Variants in ARHGEF3 observed in about 807,000 individuals in gnomAD.
ARHGEF3 encodes Rho guanine nucleotide exchange factor 3, also known as 59.8 kDA protein.
In ARHGEF3, 28 loss-of-function variants were observed where a neutral mutation model predicts 63.2. That is an observed-to-expected ratio of 0.44 (90% CI 0.33 to 0.61). The LOEUF is 0.61. Ranked by LOEUF, ARHGEF3 falls within the 20% of genes least tolerant of loss-of-function variation. ARHGEF3 has a pLI of 0.03. For missense variants in ARHGEF3, 533 were observed against 659.3 expected (o/e 0.81, Z 2.10); for synonymous variants, 266 against 254.2 (o/e 1.05, Z -0.44).
rs561734485 is a variant in ARHGEF3, at chr3:57,059,289, G to A, written c.-28+19937C>T. On this transcript the variant is annotated intron_variant, in intron 1 of 12. Transcript: ENST00000338458. ...CCTTGTCTTTAAGCCTAGAGCAAGG[G>A]TGTCCAATTTTTTGGCTTCTCTGGG... is the stretch of plus-strand genomic sequence containing the variant. 9.2e-5 allele frequency among the ~76,000 whole-genome samples: 14 copies of A among 152,054 alleles called. No homozygotes were observed. In the East Asian group the frequency reaches 1.5e-3, roughly 17 times the overall value.
At chr3:57,071,247 C>G (rs1380437185) in intron 1 of ARHGEF3, among the ~76,000 whole-genome samples, 1 of 152,160 alleles carries the variant, frequency 6.6e-6, no homozygotes, top group African/African-American at 2.4e-5. Flanking sequence ...TCTGGGACAA[C>G]AGGATTTCCA....
At chr3:56,975,911 T>C (rs1415412010) in intron 2 of ARHGEF3, 4 of 268,806 alleles carry the variant, frequency 1.5e-5, no homozygotes, top group Admixed American at 5.3e-5. Flanking sequence ...TCCATGGAGA[T>C]TAATGGTAAA....
chr3:56,805,313 C>T (rs2037822240), upstream of ARHGEF3, among the ~76,000 whole-genome samples: 1 of 152,160 alleles, frequency 6.6e-6, no homozygotes, highest in South Asian at 2.1e-4. Flanking sequence ...TGGCTCACTG[C>T]AGCCTCAACC....
intron 3 of ARHGEF3, among the ~76,000 whole-genome samples, chr3:56,953,721 A>T (rs1258075334): frequency 6.6e-6 from 1 of 152,136 alleles, no homozygotes; most frequent in Non-Finnish European, 1.5e-5. Context: ...GGGATTTCAT[A>T]GATGGATCCT....
chr3:56,879,337 A>C (rs71309982), intron 4 of ARHGEF3, among the ~76,000 whole-genome samples: 16,140 of 152,204 alleles, frequency 0.11, 1,041 homozygotes, highest in Non-Finnish European at 0.14. Context: ...GTCTGTGTTA[A>C]TATTTCTCAA....
intron 7 of ARHGEF3, among the ~76,000 whole-genome samples, chr3:56,744,407 T>C (rs2107730867): frequency 6.6e-6 from 1 of 151,644 alleles, no homozygotes; most frequent in South Asian, 2.1e-4. Flanking sequence ...CTTTTTTTTT[T>C]TTTTTTTGAG....
chr3:57,048,588 G>T lies in ARHGEF3; in HGVS notation c.-27-13412C>A, dbSNP rs141112377. Among the ~76,000 whole-genome samples, 345 of 152,252 alleles carry T rather than the reference G, an allele frequency of 2.3e-3. 2 individuals carry two copies. Among genetic ancestry groups the T allele is most frequent in the African/African-American group, 8.1e-3 (337 of 41,554 alleles). Reference sequence around the variant, plus strand: ...TCCGGAGGCAAAGCCTGGCACTTGAGCTCTGTGTGCTCTCGGGGTAGGAGC... The same window carrying T: ...TCCGGAGGCAAAGCCTGGCACTTGATCTCTGTGTGCTCTCGGGGTAGGAGC... On this transcript the variant is annotated intron_variant, in intron 1 of 12. Coordinates refer to the ARHGEF3 transcript ENST00000338458.
At chr3:56,974,603 C>A (rs1701049673) in intron 2 of ARHGEF3, among the ~76,000 whole-genome samples, 1 of 152,122 alleles carries the variant, frequency 6.6e-6, no homozygotes, top group Non-Finnish European at 1.5e-5. Flanking sequence ...TGCTGACCCG[C>A]AAATGTTTCT....
At chr3:57,074,492 G>A (rs1042996551) in intron 1 of ARHGEF3, 4 of 578,370 alleles carry the variant, frequency 6.9e-6, no homozygotes, top group African/African-American at 1.9e-5. Context: ...ACTGGCACAA[G>A]GTCACACAAT....
rs750223337 is a variant in ARHGEF3 at position 56,737,275 on chromosome 3, A to G, written c.951T>C (p.Leu317=). The G allele has an allele frequency of 1.2e-5, 19 of 1,613,966 alleles. No homozygotes were observed. Among genetic ancestry groups the G allele is most frequent in the Non-Finnish European group, 1.5e-5 (18 of 1,179,844 alleles). The change falls in exon 8 of 10, where the codon CTT becomes CTC. Residue 317 remains leucine (L), a synonymous_variant. Coordinates refer to ENST00000296315, the MANE Select transcript of ARHGEF3 (RefSeq NM_019555.3). ...CTTTCTGGCCTTCTTCCAAGTAAAG[A>G]AGCCGCTCTTTATAATAGCGGCATT... The part of the protein sequence containing the change: ...ESECRYYKER[L]LYLEEGQKDS...
At chr3:56,967,401 A>T (rs182488989) in intron 2 of ARHGEF3, among the ~76,000 whole-genome samples, 1 of 29,814 alleles carries the variant, frequency 3.4e-5, no homozygotes, top group Non-Finnish European at 5.6e-5. Flanking sequence ...TATATTATAT[A>T]ATATATTATA....
intron 1 of ARHGEF3, among the ~76,000 whole-genome samples, chr3:57,035,983 A>T (rs775289255): frequency 6.6e-6 from 1 of 152,202 alleles, no homozygotes; most frequent in Non-Finnish European, 1.5e-5. Context: ...CTGTCATCCC[A>T]GCTGGGAATA....
At chr3:56,892,896 A>G (rs144065472) in intron 3 of ARHGEF3, among the ~76,000 whole-genome samples, 1 of 152,320 alleles carries the variant, frequency 6.6e-6, no homozygotes, top group African/African-American at 2.4e-5. Flanking sequence ...CCCTAGGGAG[A>G]GCACAGTGCA....
At chr3:57,024,505 T>C (rs1467284532) in intron 2 of ARHGEF3, among the ~76,000 whole-genome samples, 1 of 152,132 alleles carries the variant, frequency 6.6e-6, no homozygotes, top group African/African-American at 2.4e-5. Flanking sequence ...TTTCTTTTTT[T>C]GAGACGGAAT....
At chr3:56,979,672 C>T (rs978459482) in intron 2 of ARHGEF3, among the ~76,000 whole-genome samples, 6 of 152,366 alleles carry the variant, frequency 3.9e-5, no homozygotes, top group South Asian at 2.1e-4. Context: ...CCCATGGCAA[C>T]GCTGGGGCTC....
chr3:56,989,952 C>A (rs1325588211), intron 2 of ARHGEF3, among the ~76,000 whole-genome samples: 4 of 152,224 alleles, frequency 2.6e-5, no homozygotes, highest in African/African-American at 9.7e-5. Context: ...AAGTAATCCT[C>A]ATGACCACGC....
intron 1 of ARHGEF3, among the ~76,000 whole-genome samples, chr3:57,056,316 G>A (rs1468662638): frequency 3.3e-5 from 5 of 151,572 alleles, no homozygotes; most frequent in African/African-American, 1.2e-4. Flanking sequence ...GAACCTGGGA[G>A]GCGGAGGTTG....
At chr3:57,027,929 T>C (rs1042475246) in intron 2 of ARHGEF3, among the ~76,000 whole-genome samples, 5 of 152,190 alleles carry the variant, frequency 3.3e-5, no homozygotes, top group Non-Finnish European at 5.9e-5. Flanking sequence ...GCAGGTACTT[T>C]AGAACCCTTT....
At chr3:56,792,810 CT>C (rs1183234598) in intron 1 of ARHGEF3, among the ~76,000 whole-genome samples, 2 of 143,402 alleles carry the variant, frequency 1.4e-5, no homozygotes, top group Non-Finnish European at 3.0e-5. Flanking sequence ...GTGTTATTTT[CT>C]TTTTCTTATT....
Sources: gnomAD v4.1 joint callset for allele counts (sites outside exome capture counted in the v4.1 genomes callset) on GRCh38, gnomAD v4.1.1 for gene constraint, MANE v1.5 for transcripts, NCBI Gene and HGNC (gene_info 2026-07-23, HGNC 2026-07-21) for gene names.